Variants in CYP2C8 observed in about 807,000 individuals in gnomAD.
CYP2C8 encodes the protein cytochrome P450 family 2 subfamily C member 8.
CYP2C8 carries 51 observed loss-of-function variants against 41.3 expected under a neutral mutation model. The observed-to-expected ratio is 1.24, with a 90% confidence interval of 0.99 to 1.56. The LOEUF (loss-of-function observed/expected upper bound fraction) is 1.56, where lower values mean the gene tolerates loss of function less well. Among genes scored for constraint, CYP2C8 ranks in the 40% most tolerant of loss-of-function variants. The pLI, the probability that CYP2C8 is intolerant of heterozygous loss-of-function variation, is 0.00. For missense variants in CYP2C8, 651 were observed against 579.9 expected (o/e 1.12, Z -1.26); for synonymous variants, 218 against 205.8 (o/e 1.06, Z -0.51).
Position 95,048,262 on chromosome 10 carries a change from G to A in CYP2C8, c.820-2311C>T, listed in dbSNP as rs570854705. On this transcript the variant is annotated intron_variant, in intron 5 of 8. Coordinates refer to ENST00000371270, the MANE Select transcript of CYP2C8 (RefSeq NM_000770.3). Reference sequence around the variant, plus strand: ...TTCCTTCTGAGGATAATTGAACATTGACATCTTTGTCAGCCAACTGGAAAT... The same window carrying A: ...TTCCTTCTGAGGATAATTGAACATTAACATCTTTGTCAGCCAACTGGAAAT... 9.2e-5 allele frequency among the ~76,000 whole-genome samples: 14 copies of A among 152,194 alleles called. 1 individual carries two copies. The East Asian group carries it at 2.3e-3, about 25-fold the overall frequency.
At chr10:95,059,215 C>T (rs1292118834) in intron 4 of CYP2C8, among the ~76,000 whole-genome samples, 2 of 152,216 alleles carry the variant, frequency 1.3e-5, no homozygotes, top group African/African-American at 4.8e-5. Context: ...TGAGGAATCA[C>T]CACACTGTCT....
chr10:95,067,308 G>A lies in CYP2C8; in HGVS notation c.381C>T (p.Ser127=). ...TCCCAAAATTCCGCAAGGTTGTGAGGGAGAAACGCCGGATCTCCTTCCATC... is the reference window on the plus strand; with the variant it reads ...TCCCAAAATTCCGCAAGGTTGTGAGAGAGAAACGCCGGATCTCCTTCCATC... ...GKRWKEIRRF[S]LTTLRNFGMG... The change falls in exon 3 of 9, where the codon TCC becomes TCT. Residue 127 remains serine (S), a synonymous_variant. Coordinates refer to ENST00000371270, the MANE Select transcript of CYP2C8 (RefSeq NM_000770.3). The A allele has an allele frequency of 6.2e-7, 1 of 1,614,172 alleles. No individual in the cohort carries two copies. Among genetic ancestry groups the A allele is most frequent in the Non-Finnish European group, 8.5e-7 (1 of 1,180,032 alleles).
At chr10:95,059,285 C>A (rs1169717575) in intron 4 of CYP2C8, among the ~76,000 whole-genome samples, 1 of 152,194 alleles carries the variant, frequency 6.6e-6, no homozygotes, top group Non-Finnish European at 1.5e-5. Flanking sequence ...TCCTATTTCT[C>A]CACATCCTCT....
At chr10:95,066,215 G>GTTTT (rs541771653) in intron 3 of CYP2C8, among the ~76,000 whole-genome samples, 1 of 126,836 alleles carries the variant, frequency 7.9e-6, no homozygotes, top group Non-Finnish European at 1.7e-5. Flanking sequence ...TGATATCCAG[G>GTTTT]TTTTTTTTTT....
At chr10:95,037,944 A>C (rs1286357152) in intron 8 of CYP2C8, among the ~76,000 whole-genome samples, 1 of 152,208 alleles carries the variant, frequency 6.6e-6, no homozygotes, top group African/African-American at 2.4e-5. Flanking sequence ...CCTCAACAGC[A>C]TACTCATGCT....
chr10:95,037,159 G>T lies in CYP2C8; in HGVS notation c.1442C>A (p.Pro481His), dbSNP rs1371158132. Residue 481 changes from proline (P) to histidine (H), a missense_variant, in exon 9 of 9, where the codon CCC (proline) becomes CAC (histidine). Transcript: ENST00000371270. The stretch of plus-strand genomic sequence containing the variant: ...AGGGATGAAGCAGATCTGGTATGAG[G>T]GTGGCAGAGAAACAATCCCTTTGGT... Reference protein sequence around the residue: ...AVTKGIVSLPPSYQICFIPV With the variant: ...AVTKGIVSLPHSYQICFIPV The T allele has an allele frequency of 6.2e-7, 1 of 1,613,962 alleles. No homozygotes were observed. The highest frequency in any genetic ancestry group is 1.7e-5 in the Admixed American group (1 of 59,998).
chr10:95,066,090 G>A (rs1478547222), intron 3 of CYP2C8, among the ~76,000 whole-genome samples: 7 of 148,578 alleles, frequency 4.7e-5, no homozygotes, highest in African/African-American at 1.7e-4. Flanking sequence ...TTTAGCCAAG[G>A]GGGTGAAAGG....
At chr10:95,040,233 T>C (rs1425616849) in intron 7 of CYP2C8, among the ~76,000 whole-genome samples, 2 of 152,170 alleles carry the variant, frequency 1.3e-5, no homozygotes, top group Non-Finnish European at 2.9e-5. Flanking sequence ...CATACTGCAG[T>C]ATTGAGGTGT....
chr10:95,059,382 C>T (rs1250130460), intron 4 of CYP2C8, among the ~76,000 whole-genome samples: 1 of 152,096 alleles, frequency 6.6e-6, no homozygotes, highest in East Asian at 1.9e-4. Flanking sequence ...ATTTGCATTT[C>T]TCTGATGGCC....
rs532503978 is a variant in CYP2C8 at position 95,059,388 on chromosome 10, T to TG, written c.643-878dup. Among the ~76,000 whole-genome samples, 11 of 152,064 alleles carry TG rather than the reference T, an allele frequency of 7.2e-5. No individual in the cohort carries two copies. The South Asian group carries it at 8.3e-4, about 12-fold the overall frequency. On this transcript the variant is annotated intron_variant, in intron 4 of 8. Transcript: ENST00000371270. ...GTGGTTTTGATTTGCATTTCTCTGATGGCCAGTGATGATGAGCATTTTTTC... is the reference window on the plus strand; with the variant it reads ...GTGGTTTTGATTTGCATTTCTCTGATGGGCCAGTGATGATGAGCATTTTTTC...
At chr10:95,037,867 A>C (rs532197867) in intron 8 of CYP2C8, among the ~76,000 whole-genome samples, 1 of 152,278 alleles carries the variant, frequency 6.6e-6, no homozygotes, top group South Asian at 2.1e-4. Flanking sequence ...ACATAGGTTC[A>C]ATTTCATTTC....
Position 95,037,970 on chromosome 10 carries a change from A to G in CYP2C8, c.1292-661T>C, listed in dbSNP as rs1035218178. On this transcript the variant is annotated intron_variant, in intron 8 of 8. Transcript: ENST00000371270. ...TACTCATGCTTTCATTAAAGCACAGATTACCAGGAATCGTAATTCTGTATT... is the reference window on the plus strand; with the variant it reads ...TACTCATGCTTTCATTAAAGCACAGGTTACCAGGAATCGTAATTCTGTATT... Among the ~76,000 whole-genome samples, 3 of 152,212 alleles carry G rather than the reference A, an allele frequency of 2.0e-5. No individual in the cohort carries two copies. The East Asian group carries it at 5.8e-4, about 29-fold the overall frequency.
At chr10:95,061,746 A>G (rs913157823) in intron 4 of CYP2C8, among the ~76,000 whole-genome samples, 1 of 152,158 alleles carries the variant, frequency 6.6e-6, no homozygotes, top group South Asian at 2.1e-4. Context: ...TGTCAATTTT[A>G]GATCTTTCCT....
chr10:95,044,372 A>G (rs543552382), intron 6 of CYP2C8, among the ~76,000 whole-genome samples: 9 of 152,234 alleles, frequency 5.9e-5, no homozygotes, highest in Non-Finnish European at 1.2e-4. Context: ...AAAGATTTTA[A>G]TTTTCCCTTT....
At chr10:95,064,708 G>C in intron 4 of CYP2C8, 92 bp downstream of exon 4, 1 of 1,231,338 alleles carries the variant, frequency 8.1e-7, no homozygotes. Flanking sequence ...TTGTATAAAA[G>C]CATTTTAGTA....
rs2032895147 is a variant in CYP2C8 at position 95,037,048 on chromosome 10, A to C, written c.*80T>G. On this transcript the variant is annotated 3_prime_UTR_variant, in exon 9 of 9. Transcript: ENST00000371270. ...GGAAGATTTGATGAGAGGTCAGAGAAGACATAATAGTGGGAATGTCCTTGA... is the reference window on the plus strand; with the variant it reads ...GGAAGATTTGATGAGAGGTCAGAGACGACATAATAGTGGGAATGTCCTTGA... The C allele has an allele frequency of 6.2e-6, 8 of 1,296,838 alleles. No homozygotes were observed. The highest frequency in any genetic ancestry group is 7.8e-6 in the Non-Finnish European group (7 of 896,020). The allele number at this position is 1,296,838 out of a possible 1,614,324, so 80.3% of individuals were successfully genotyped here. A position where few individuals can be genotyped will look rare whatever the true frequency, so the allele number is the denominator to read the frequency against.
chr10:95,069,046 G>C lies in CYP2C8; in HGVS notation c.168+189C>G, dbSNP rs1352082550. 2.2e-5 allele frequency: 15 copies of C among 677,988 alleles called. No individual in the cohort carries two copies. The East Asian group carries it at 3.3e-4, about 15-fold the overall frequency. 42.0% of individuals were successfully genotyped at this position (677,988 alleles called of 1,614,324 possible). On this transcript the variant is annotated intron_variant, in intron 1 of 8. Transcript: ENST00000371270. ...CCACTGCACTCCAGCCTGGGCAATA[G>C]AGCGAGACTCCGTCTCAAAAAAAAA...
chr10:95,041,642 G>A (rs34614856), intron 7 of CYP2C8, among the ~76,000 whole-genome samples: 4 of 151,586 alleles, frequency 2.6e-5, no homozygotes, highest in African/African-American at 4.9e-5. Flanking sequence ...TTAGCCGGGC[G>A]CGGTGGCGGG....
chr10:95,047,024 GATA>G (rs1320741288), intron 5 of CYP2C8, among the ~76,000 whole-genome samples: 1 of 152,152 alleles, frequency 6.6e-6, no homozygotes, highest in African/African-American at 2.4e-5. Flanking sequence ...ATGTTATCCT[GATA>G]ATAAGTGAGT....
Sources: gnomAD v4.1 joint callset for allele counts (sites outside exome capture counted in the v4.1 genomes callset) on GRCh38, gnomAD v4.1.1 for gene constraint, MANE v1.5 for transcripts, NCBI Gene and HGNC (gene_info 2026-07-23, HGNC 2026-07-21) for gene names.